Variants in FRMD4B observed in about 807,000 individuals in gnomAD.
The protein encoded by FRMD4B is FERM domain-containing protein 4B.
Under a neutral mutation model 141.5 loss-of-function variants are expected in FRMD4B, and 74 were observed. The observed-to-expected ratio is 0.52, with a 90% CI of 0.43 to 0.63. The LOEUF (loss-of-function observed/expected upper bound fraction) is 0.63, where lower values mean the gene tolerates loss of function less well. Among genes scored for constraint, FRMD4B ranks in the 30% least tolerant of loss-of-function variants. The pLI, the probability that FRMD4B is intolerant of heterozygous loss-of-function variation, is 0.00. For synonymous variants in FRMD4B, 506 were observed against 467.9 expected (o/e 1.08, Z -1.05); for missense variants, 1,366 against 1,253.4 (o/e 1.09, Z -1.36).
chr3:69,326,861 G>T (rs560747801), intron 1 of FRMD4B, among the ~76,000 whole-genome samples: 212 of 152,296 alleles, frequency 1.4e-3, no homozygotes, highest in Admixed American at 2.4e-3. Context: ...AAAACATGCA[G>T]GATATTTCTG....
intron 1 of FRMD4B, among the ~76,000 whole-genome samples, chr3:69,503,531 G>C (rs1706538142): frequency 9.2e-6 from 1 of 108,458 alleles, no homozygotes; most frequent in African/African-American, 3.6e-5. Context: ...ACTGTGGCCT[G>C]TTGTGGGGTG....
chr3:69,288,262 G>A (rs1036523631), intron 4 of FRMD4B, among the ~76,000 whole-genome samples: 1 of 152,238 alleles, frequency 6.6e-6, no homozygotes, highest in African/African-American at 2.4e-5. Context: ...CCTGCTTGAG[G>A]CTCGGGGGTT....
In FRMD4B at chr3:69,211,258, A is replaced by T. The variant is rs147847794; in HGVS notation, c.876+5005T>A. On this transcript the variant is annotated intron_variant, in intron 11 of 22. Transcript: ENST00000398540. ...ACAGTTGGTGGCAATACCCTTGTGC[A>T]GATGAGAAAACCACTTTTAAAGAGA... Among the ~76,000 whole-genome samples the T allele has an allele frequency of 7.9e-5, 12 of 152,306 alleles. No individual in the cohort carries two copies. In the East Asian group the frequency reaches 2.1e-3, roughly 27 times the overall value.
chr3:69,183,001 T>C (rs1301916039), intron 19 of FRMD4B, among the ~76,000 whole-genome samples: 4 of 152,256 alleles, frequency 2.6e-5, no homozygotes, highest in Admixed American at 6.5e-5. Context: ...GAGCTGTTTA[T>C]GTAGGCACCT....
chr3:69,471,036 C>G (rs1441199020), intron 1 of FRMD4B, among the ~76,000 whole-genome samples: 1 of 152,166 alleles, frequency 6.6e-6, no homozygotes, highest in Non-Finnish European at 1.5e-5. Flanking sequence ...GCAGTAAACA[C>G]AAACTGTAAA....
At chr3:69,391,264 A>G (rs1229509200) in intron 2 of FRMD4B, among the ~76,000 whole-genome samples, 2 of 149,314 alleles carry the variant, frequency 1.3e-5, no homozygotes, top group Non-Finnish European at 3.0e-5. Flanking sequence ...TTTTATTATT[A>G]TACTTTTAAG....
intron 1 of FRMD4B, among the ~76,000 whole-genome samples, chr3:69,510,485 C>T (rs1042941637): frequency 3.9e-5 from 6 of 152,118 alleles, no homozygotes; most frequent in African/African-American, 2.4e-5. Flanking sequence ...AGAACTTAGA[C>T]GAAGTTCGGG....
At chr3:69,403,312 T>C (rs1281468337) in intron 2 of FRMD4B, among the ~76,000 whole-genome samples, 6 of 152,214 alleles carry the variant, frequency 3.9e-5, no homozygotes, top group African/African-American at 1.4e-4. Context: ...CATGTTAATG[T>C]TCTCAACAAC....
At chr3:69,506,213 A>T (rs1327413132) in intron 1 of FRMD4B, among the ~76,000 whole-genome samples, 1 of 152,116 alleles carries the variant, frequency 6.6e-6, no homozygotes, top group Admixed American at 6.6e-5. Flanking sequence ...ATTGGCCCTG[A>T]TCTTCACCCC....
chr3:69,234,354 G>A (rs992844015), intron 7 of FRMD4B, among the ~76,000 whole-genome samples: 1 of 152,036 alleles, frequency 6.6e-6, no homozygotes, highest in Non-Finnish European at 1.5e-5. Context: ...AAGGATGACA[G>A]ATTGCATAAA....
intron 1 of FRMD4B, among the ~76,000 whole-genome samples, chr3:69,483,793 A>C (rs1706169673): frequency 1.3e-5 from 2 of 152,230 alleles, no homozygotes; most frequent in African/African-American, 2.4e-5. Context: ...GGAAGACTTA[A>C]TTTCCATTAC....
intron 5 of FRMD4B, among the ~76,000 whole-genome samples, chr3:69,261,921 T>C (rs1033152569): frequency 4.0e-5 from 6 of 151,630 alleles, no homozygotes; most frequent in African/African-American, 1.5e-4. Context: ...TCAGCCCTCC[T>C]TGGCCTCCCA....
At chr3:69,324,087 T>C (rs2107296966) in intron 1 of FRMD4B, among the ~76,000 whole-genome samples, 1 of 152,248 alleles carries the variant, frequency 6.6e-6, no homozygotes, top group East Asian at 1.9e-4. Flanking sequence ...TGATGAAATA[T>C]GGGCAGCTGC....
At chr3:69,521,522 T>C (rs1244807441) in intron 1 of FRMD4B, among the ~76,000 whole-genome samples, 1 of 152,230 alleles carries the variant, frequency 6.6e-6, no homozygotes, top group Admixed American at 6.5e-5. Context: ...GTGACTTTTA[T>C]TTTAAAGTGT....
intron 1 of FRMD4B, among the ~76,000 whole-genome samples, chr3:69,356,424 T>C (rs1703325318): frequency 6.6e-6 from 1 of 152,096 alleles, no homozygotes; most frequent in African/African-American, 2.4e-5. Flanking sequence ...CTTTCTCTCG[T>C]GCTGGATGCT....
intron 11 of FRMD4B, among the ~76,000 whole-genome samples, chr3:69,205,967 G>A (rs1176395116): frequency 6.6e-6 from 1 of 152,218 alleles, no homozygotes; most frequent in African/African-American, 2.4e-5. Flanking sequence ...AGAAGAGTCA[G>A]CTGTGCTGAA....
chr3:69,435,805 T>C (rs951272628), intron 1 of FRMD4B, among the ~76,000 whole-genome samples: 8 of 152,194 alleles, frequency 5.3e-5, no homozygotes, highest in Non-Finnish European at 1.0e-4. Context: ...GAAAACTGTG[T>C]ATAGTCAAAA....
chr3:69,363,318 C>A (rs1703530648), intron 1 of FRMD4B, among the ~76,000 whole-genome samples: 1 of 148,942 alleles, frequency 6.7e-6, no homozygotes, highest in African/African-American at 2.5e-5. Context: ...CTCCTGAGCT[C>A]AAGTGATCCT....
intron 1 of FRMD4B, among the ~76,000 whole-genome samples, chr3:69,319,487 G>A (rs961815111): frequency 1.3e-5 from 2 of 152,180 alleles, no homozygotes; most frequent in Admixed American, 1.3e-4. Flanking sequence ...AAGTTAACAA[G>A]TCACTTAACA....
Sources: allele counts gnomAD v4.1 joint callset (sites outside exome capture counted in the v4.1 genomes callset), GRCh38; gene constraint gnomAD v4.1.1; transcripts MANE v1.5; gene names NCBI Gene and HGNC (gene_info 2026-07-23, HGNC 2026-07-21).